Variants in GRK3 observed in about 807,000 individuals in gnomAD.
GRK3 encodes G protein-coupled receptor kinase 3, also known as adrenergic, beta, receptor kinase 2.
In GRK3, 54 loss-of-function variants were observed where a neutral mutation model predicts 95.7. The observed-to-expected ratio is 0.56, with a 90% CI of 0.45 to 0.71. The LOEUF is 0.71. Among genes scored for constraint, GRK3 ranks in the 30% least tolerant of loss-of-function variants. The pLI is 0.00. For missense variants in GRK3, 649 were observed against 851.2 expected, an observed-to-expected ratio of 0.76 and a Z score of 2.96; for synonymous variants, 281 against 290.8, an observed-to-expected ratio of 0.97 and a Z score of 0.34.
chr22:25,663,562 G>T, intron 4 of GRK3, 68 bp from the exon 5 acceptor site: 1 of 961,528 alleles, frequency 1.0e-6, no homozygotes, highest in Admixed American at 2.3e-5. Flanking sequence ...TATCTGTTGT[G>T]ATATTATATA....
chr22:25,722,689 C>T lies in GRK3; in HGVS notation c.*239C>T. On this transcript the variant is annotated 3_prime_UTR_variant, in exon 21 of 21. Transcript: ENST00000324198. ...TGCTACACACTTTGGTACCTATGAA[C>T]CTAGAACTTGAAGTGACTCCTACTT... The T allele has an allele frequency of 2.4e-6, 1 of 414,970 alleles. No homozygotes were observed. The highest frequency in any genetic ancestry group is 4.3e-6 in the Non-Finnish European group (1 of 232,040). The allele number at this position is 414,970 out of a possible 1,614,324, so 25.7% of individuals were successfully genotyped here. A position where few individuals can be genotyped will look rare whatever the true frequency, so the allele number is the denominator to read the frequency against.
intron 18 of GRK3, among the ~76,000 whole-genome samples, chr22:25,717,293 G>A (rs938779016): frequency 2.0e-5 from 3 of 152,100 alleles, no homozygotes; most frequent in Non-Finnish European, 4.4e-5. Flanking sequence ...GACTGTGCTC[G>A]TATTTTAAAC....
At chr22:25,607,247 C>T (rs2084457195) in intron 2 of GRK3, among the ~76,000 whole-genome samples, 1 of 152,126 alleles carries the variant, frequency 6.6e-6, no homozygotes, top group Non-Finnish European at 1.5e-5. Context: ...AGTATGCATG[C>T]TTTCTTATAC....
chr22:25,616,840 T>G (rs768646588), intron 2 of GRK3, among the ~76,000 whole-genome samples: 8 of 152,242 alleles, frequency 5.3e-5, no homozygotes, highest in Admixed American at 5.2e-4. Flanking sequence ...AGGGCGATGA[T>G]GTTGTTTATG....
chr22:25,720,736 A>G (rs995609125), intron 19 of GRK3, among the ~76,000 whole-genome samples: 2 of 152,012 alleles, frequency 1.3e-5, no homozygotes, highest in Non-Finnish European at 2.9e-5. Context: ...CGGCCTCCCA[A>G]AGTGCTGGGA....
chr22:25,587,051 C>T (rs144284897), intron 1 of GRK3, among the ~76,000 whole-genome samples: 254 of 152,102 alleles, frequency 1.7e-3, no homozygotes, highest in African/African-American at 6.0e-3. Flanking sequence ...CGCCCAGCTA[C>T]AGCTAATTTT....
chr22:25,608,647 G>A (rs145709662), intron 2 of GRK3, among the ~76,000 whole-genome samples: 104 of 151,460 alleles, frequency 6.9e-4, no homozygotes, highest in Non-Finnish European at 1.1e-3. Flanking sequence ...TGGCAGCAGC[G>A]AGGAAACAGC....
At chr22:25,703,756 A>G (rs908353604) in intron 14 of GRK3, among the ~76,000 whole-genome samples, 180 bp downstream of exon 14, 3 of 152,238 alleles carry the variant, frequency 2.0e-5, no homozygotes, top group Non-Finnish European at 4.4e-5. Context: ...AAGAATTTCT[A>G]GGGGAAACAT....
At chr22:25,622,780 G>A (rs1042622581) in intron 2 of GRK3, among the ~76,000 whole-genome samples, 1 of 152,180 alleles carries the variant, frequency 6.6e-6, no homozygotes, top group African/African-American at 2.4e-5. Context: ...TAGAGTAAGA[G>A]CAGCAGAGAT....
chr22:25,666,852 A>G (rs1185964801), intron 5 of GRK3, among the ~76,000 whole-genome samples: 1 of 152,170 alleles, frequency 6.6e-6, no homozygotes, highest in Non-Finnish European at 1.5e-5. Context: ...TGTTTCCCAA[A>G]ACTATCTAAT....
chr22:25,620,051 TGTGTGTG>T (rs2084572155), intron 2 of GRK3, among the ~76,000 whole-genome samples: 1 of 146,168 alleles, frequency 6.8e-6, no homozygotes, highest in African/African-American at 2.6e-5. Flanking sequence ...TGTGTGTGTG[TGTGTGTG>T]GTTTTAAGGA....
intron 1 of GRK3, among the ~76,000 whole-genome samples, 195 bp downstream of exon 1, chr22:25,565,348 C>T (rs369480036): frequency 1.4e-4 from 21 of 152,152 alleles, no homozygotes; most frequent in Non-Finnish European, 2.5e-4. Flanking sequence ...TGGGGGGCAC[C>T]CCGGGAGAGA....
chr22:25,650,085 T>G (rs538243902), intron 3 of GRK3, among the ~76,000 whole-genome samples: 75 of 151,890 alleles, frequency 4.9e-4, no homozygotes, highest in Non-Finnish European at 1.0e-3. Context: ...TCTGCCTCAC[T>G]GGTTCAAGTG....
At chr22:25,647,948 TA>T (rs111301371) in intron 3 of GRK3, among the ~76,000 whole-genome samples, 16 of 147,068 alleles carry the variant, frequency 1.1e-4, no homozygotes, top group African/African-American at 1.2e-4. Flanking sequence ...CCATCTCTAC[TA>T]AAAAAAAAAG....
intron 2 of GRK3, among the ~76,000 whole-genome samples, chr22:25,621,878 A>G (rs1212279351): frequency 6.6e-6 from 1 of 152,188 alleles, no homozygotes. Flanking sequence ...AACCCTGTGC[A>G]GAGACTATAG....
chr22:25,690,253 A>C lies in GRK3; in HGVS notation c.1022A>C (p.Asp341Ala). ...ATATCAGATCTTGGTCTTGCCTGCG[A>C]TTTTTCCAAAAAGAAGCCTCATGCG... ...ARISDLGLAC[D>A]FSKKKPHASV... Residue 341 changes from aspartate (D) to alanine (A), a missense_variant, in exon 12 of 21, where the codon GAT (aspartate) becomes GCT (alanine). By Grantham distance (126) the Asp-to-Ala change is moderately radical. Around this residue, in one of 3 missense-constraint regions of GRK3, gnomAD observed 382 missense variants for 493.8 expected, o/e 0.77. Coordinates refer to ENST00000324198, the MANE Select transcript of GRK3 (RefSeq NM_005160.4). 6.2e-7 allele frequency: 1 copy of C among 1,613,912 alleles called. No individual in the cohort carries two copies. Among genetic ancestry groups the C allele is most frequent in the Non-Finnish European group, 8.5e-7 (1 of 1,179,910 alleles).
chr22:25,676,873 A>G (rs1169331800), intron 8 of GRK3, among the ~76,000 whole-genome samples: 1 of 152,092 alleles, frequency 6.6e-6, no homozygotes, highest in Non-Finnish European at 1.5e-5. Context: ...ACCCTCACTC[A>G]TGTCTGTTCC....
At chr22:25,716,817 CAGG>C (rs1453169450) in intron 18 of GRK3, among the ~76,000 whole-genome samples, 2 of 152,250 alleles carry the variant, frequency 1.3e-5, no homozygotes, top group African/African-American at 4.8e-5. Flanking sequence ...GGCTGCACAG[CAGG>C]AGATCAGTGC....
intron 2 of GRK3, among the ~76,000 whole-genome samples, chr22:25,622,324 G>A (rs1420832402): frequency 1.3e-5 from 2 of 152,222 alleles, no homozygotes; most frequent in Non-Finnish European, 2.9e-5. Context: ...AGCTCCCTCA[G>A]CGTCTGAGGG....
Sources: gnomAD v4.1 joint callset for allele counts (sites outside exome capture counted in the v4.1 genomes callset) on GRCh38, gnomAD v4.1.1 for gene constraint, gnomAD v4.1.1 regional missense constraint, MANE v1.5 for transcripts, NCBI Gene and HGNC (gene_info 2026-07-23, HGNC 2026-07-21) for gene names.